Variants in SHROOM4 observed in about 807,000 individuals in gnomAD.
SHROOM4 encodes shroom family member 4, also known as protein Shroom4.
SHROOM4 carries 17 observed loss-of-function variants against 80.3 expected under a neutral mutation model. That is an observed-to-expected ratio of 0.21 (90% confidence interval 0.14 to 0.32). The LOEUF (loss-of-function observed/expected upper bound fraction) is 0.32, where lower values mean the gene tolerates loss of function less well. Ranked by LOEUF, SHROOM4 falls within the 10% of genes least tolerant of loss-of-function variation. The pLI is 1.00. For synonymous variants in SHROOM4, 400 were observed against 437.5 expected (o/e 0.91, Z 1.07); for missense variants, 993 against 1,140.3 (o/e 0.87, Z 1.86).
intron 1 of SHROOM4, among the ~76,000 whole-genome samples, chrX:50,754,072 G>T (rs1377103997): frequency 8.9e-6 from 1 of 112,167 alleles, no homozygotes; most frequent in African/African-American, 3.2e-5. Context: ...CAGGTATTCT[G>T]CCCAAAGATA....
chrX:50,617,268 C>A (rs782450795), intron 5 of SHROOM4, among the ~76,000 whole-genome samples: 1 of 112,188 alleles, frequency 8.9e-6, no homozygotes, highest in East Asian at 2.8e-4. Context: ...TAAAAAGGAC[C>A]TAGAAATGAT....
intron 2 of SHROOM4, among the ~76,000 whole-genome samples, chrX:50,640,411 C>G (rs782731134): frequency 8.3e-5 from 9 of 108,384 alleles, no homozygotes; most frequent in African/African-American, 3.0e-4. Context: ...CCCCTACCCC[C>G]CCTCCATTTT....
intron 2 of SHROOM4, among the ~76,000 whole-genome samples, chrX:50,671,864 C>T (rs1419375702): frequency 8.9e-6 from 1 of 112,948 alleles, no homozygotes; most frequent in East Asian, 2.8e-4. Flanking sequence ...TGGCTTTCAG[C>T]CCATCTTGGC....
At chrX:50,734,805 C>T (rs781845686) in intron 1 of SHROOM4, among the ~76,000 whole-genome samples, 122 of 111,064 alleles carry the variant, frequency 1.1e-3, no homozygotes, top group African/African-American at 3.7e-3. Context: ...GGCAGTTTCC[C>T]CCATACTGTT....
rs781890486 is a variant in SHROOM4, at chrX:50,767,944, T to C, written c.117+45958A>G. ...TACATCTATTAGAGTCATGGTAATA[T>C]GCCTACTGTCAACTAAAATACATTT... is the stretch of plus-strand genomic sequence containing the variant. On this transcript the variant is annotated intron_variant, in intron 1 of 8. Coordinates refer to ENST00000376020, the MANE Select transcript of SHROOM4 (RefSeq NM_020717.5). Among the ~76,000 whole-genome samples the C allele has an allele frequency of 3.7e-4, 41 of 112,194 alleles. 1 individual carries two copies. The highest frequency in any genetic ancestry group is 4.7e-3 in the Middle Eastern group (1 of 214).
chrX:50,610,352 T>TCTCTCTCACACA (rs782591424), intron 5 of SHROOM4, among the ~76,000 whole-genome samples: 17 of 91,710 alleles, frequency 1.9e-4, no homozygotes, highest in African/African-American at 6.9e-4. Context: ...TCTCTCTCTC[T>TCTCTCTCACACA]CACACACACA....
At chrX:50,650,815 C>T (rs782068688) in intron 2 of SHROOM4, among the ~76,000 whole-genome samples, 7 of 112,081 alleles carry the variant, frequency 6.2e-5, no homozygotes, top group Non-Finnish European at 3.8e-5. Context: ...TAGATTTTTC[C>T]CTCAGGGAAA....
At chrX:50,652,949 A>G (rs1557259112) in intron 2 of SHROOM4, among the ~76,000 whole-genome samples, 1 of 111,555 alleles carries the variant, frequency 9.0e-6, no homozygotes, top group Non-Finnish European at 1.9e-5. Flanking sequence ...TACCAGTACC[A>G]TGTTGTTTTG....
chrX:50,759,579 T>C (rs1935107213), intron 1 of SHROOM4, among the ~76,000 whole-genome samples: 2 of 112,014 alleles, frequency 1.8e-5, no homozygotes, highest in African/African-American at 6.5e-5. Context: ...TATCATATTA[T>C]TGGTTTCCTT....
intron 1 of SHROOM4, among the ~76,000 whole-genome samples, chrX:50,777,223 A>T (rs782096894): frequency 5.7e-4 from 64 of 111,506 alleles, no homozygotes; most frequent in African/African-American, 2.1e-3. Flanking sequence ...TTACTTCCTG[A>T]GCCCGGGAGC....
At chrX:50,743,787 T>A (rs5961207) in intron 1 of SHROOM4, among the ~76,000 whole-genome samples, 9,679 of 111,863 alleles carry the variant, frequency 0.087, 704 homozygotes, top group African/African-American at 0.25. Context: ...GTTTTTCTCA[T>A]AAGGCAGGTG....
intron 1 of SHROOM4, among the ~76,000 whole-genome samples, chrX:50,782,758 A>C (rs1413624224): frequency 8.9e-6 from 1 of 112,273 alleles, no homozygotes; most frequent in Non-Finnish European, 1.9e-5. Context: ...AGTCAGTCAC[A>C]GAAGGACAAA....
chrX:50,583,337 C>T (rs1928697820), downstream of SHROOM4, among the ~76,000 whole-genome samples: 1 of 110,418 alleles, frequency 9.1e-6, no homozygotes, highest in South Asian at 3.9e-4. Flanking sequence ...TTGCTTTAGT[C>T]AATAGAATGT....
At chrX:50,758,183 TTATC>T (rs1161840165) in intron 1 of SHROOM4, among the ~76,000 whole-genome samples, 1 of 111,927 alleles carries the variant, frequency 8.9e-6, no homozygotes, top group East Asian at 2.8e-4. Flanking sequence ...AAATATAATA[TTATC>T]TATGAATAAA....
At chrX:50,663,796 A>T (rs376788849) in intron 2 of SHROOM4, among the ~76,000 whole-genome samples, 2 of 111,426 alleles carry the variant, frequency 1.8e-5, no homozygotes, top group East Asian at 5.7e-4. Context: ...TGCTGCTGGC[A>T]TCACTCATTT....
chrX:50,734,663 C>T (rs1439875335), intron 1 of SHROOM4, among the ~76,000 whole-genome samples: 1 of 111,186 alleles, frequency 9.0e-6, no homozygotes, highest in Non-Finnish European at 1.9e-5. Flanking sequence ...GATCTGCCTG[C>T]CTCAGCCTCC....
chrX:50,639,467 T>C (rs1931501578), intron 2 of SHROOM4, among the ~76,000 whole-genome samples: 1 of 110,966 alleles, frequency 9.0e-6, no homozygotes, highest in South Asian at 3.8e-4. Flanking sequence ...AAGAGGTGAA[T>C]GGCAGAGTAA....
intron 1 of SHROOM4, among the ~76,000 whole-genome samples, chrX:50,746,887 C>A (rs1478272063): frequency 8.9e-6 from 1 of 112,116 alleles, no homozygotes; most frequent in Non-Finnish European, 1.9e-5. Flanking sequence ...ATGGCAACTC[C>A]AGCAGGCTTA....
At chrX:50,719,285 G>C (rs1934044879) in intron 1 of SHROOM4, among the ~76,000 whole-genome samples, 1 of 111,326 alleles carries the variant, frequency 9.0e-6, no homozygotes. Flanking sequence ...CTACTTCTTG[G>C]TCCCATGTTC....
Sources: allele counts gnomAD v4.1 joint callset (sites outside exome capture counted in the v4.1 genomes callset), GRCh38; gene constraint gnomAD v4.1.1; transcripts MANE v1.5; gene names NCBI Gene and HGNC (gene_info 2026-07-23, HGNC 2026-07-21).